Variants in ZFHX3 observed in about 807,000 individuals in gnomAD.
ZFHX3 encodes zinc finger homeobox protein 3.
ZFHX3 carries 42 observed loss-of-function variants against 279.1 expected under a neutral mutation model. That is an observed-to-expected ratio of 0.15 (90% CI 0.12 to 0.19). The LOEUF is 0.19. Among genes scored for constraint, ZFHX3 ranks in the 10% least tolerant of loss-of-function variants. The pLI, the probability that ZFHX3 is intolerant of heterozygous loss-of-function variation, is 1.00. For synonymous variants in ZFHX3, 2,293 were observed against 1,957.8 expected, an observed-to-expected ratio of 1.17 and a Z score of -4.52; for missense variants, 4,981 against 4,754.0, an observed-to-expected ratio of 1.05 and a Z score of -1.40.
At chr16:73,762,050 A>G (rs924477088) in intron 1 of ZFHX3, among the ~76,000 whole-genome samples, 40 of 152,106 alleles carry the variant, frequency 2.6e-4, no homozygotes, top group African/African-American at 8.9e-4. Flanking sequence ...CAGACAACCT[A>G]CAGAATGGGA....
chr16:73,603,510 T>C (rs897129442), intron 2 of ZFHX3, among the ~76,000 whole-genome samples: 13 of 152,202 alleles, frequency 8.5e-5, no homozygotes, highest in Admixed American at 2.6e-4. Context: ...CGTGCTCCCA[T>C]AGACAGTTAA....
At chr16:72,996,415 A>C (rs748702107) in intron 1 of ZFHX3, among the ~76,000 whole-genome samples, 1 of 152,222 alleles carries the variant, frequency 6.6e-6, no homozygotes, top group Non-Finnish European at 1.5e-5. Flanking sequence ...GTGTCTTCTC[A>C]TCTTCTGTAA....
intron 2 of ZFHX3, among the ~76,000 whole-genome samples, chr16:73,531,827 A>AC (rs959972150): frequency 2.3e-4 from 35 of 150,450 alleles, no homozygotes; most frequent in African/African-American, 8.1e-4. Flanking sequence ...AGTGGTTCAT[A>AC]CCTGTAATCC....
intron 1 of ZFHX3, among the ~76,000 whole-genome samples, chr16:73,801,014 C>T (rs80033677): frequency 0.047 from 7,122 of 152,194 alleles, 371 homozygotes; most frequent in African/African-American, 0.13. Context: ...ATAACCTCCC[C>T]GTAATGAGCA....
intron 3 of ZFHX3, among the ~76,000 whole-genome samples, chr16:73,414,853 A>G (rs897424339): frequency 6.6e-6 from 1 of 152,186 alleles, no homozygotes; most frequent in African/African-American, 2.4e-5. Flanking sequence ...ACAAAACAAA[A>G]CAAGAGGCTG....
chr16:72,848,505 G>C (rs2037533001), intron 4 of ZFHX3, among the ~76,000 whole-genome samples: 1 of 152,088 alleles, frequency 6.6e-6, no homozygotes, highest in African/African-American at 2.4e-5. Context: ...GCTGATAAAA[G>C]CTTCCTAAGC....
rs138568857 is a variant in ZFHX3 at position 73,365,926 on chromosome 16, C to G, written c.-1290-47590G>C. On this transcript the variant is annotated intron_variant, in intron 3 of 17. Transcript: ENST00000641206. ...TGTATCTACAAGAGTGGACCTGGGT[C>G]TGCTTGGTGAAAAGGGAAGAGTCCA... is the stretch of plus-strand genomic sequence containing the variant. Among the ~76,000 whole-genome samples the G allele has an allele frequency of 2.8e-4, 42 of 152,236 alleles. No homozygotes were observed. The Middle Eastern group carries it at 0.014, about 49-fold the overall frequency.
intron 4 of ZFHX3, among the ~76,000 whole-genome samples, chr16:72,860,469 T>A (rs932035213): frequency 6.6e-6 from 1 of 152,202 alleles, no homozygotes; most frequent in Non-Finnish European, 1.5e-5. Flanking sequence ...CTCACTCTGT[T>A]GCCCAGGCTG....
intron 1 of ZFHX3, among the ~76,000 whole-genome samples, chr16:73,823,007 G>C (rs935639713): frequency 2.0e-5 from 3 of 152,194 alleles, no homozygotes; most frequent in African/African-American, 7.2e-5. Flanking sequence ...TATATGCTAA[G>C]GATGTAACAG....
intron 2 of ZFHX3, among the ~76,000 whole-genome samples, chr16:73,597,151 C>T (rs1002683069): frequency 1.3e-5 from 2 of 152,194 alleles, no homozygotes; most frequent in Non-Finnish European, 2.9e-5. Context: ...CTTTTCCAAA[C>T]TCTCTCAGTA....
chr16:73,610,335 G>A (rs769383715), intron 2 of ZFHX3, among the ~76,000 whole-genome samples: 14 of 152,146 alleles, frequency 9.2e-5, no homozygotes, highest in Non-Finnish European at 1.3e-4. Flanking sequence ...CTCCATCGTC[G>A]TATTTGCTTT....
intron 4 of ZFHX3, among the ~76,000 whole-genome samples, chr16:72,844,732 G>C (rs2037434410): frequency 1.3e-5 from 2 of 152,064 alleles, no homozygotes; most frequent in South Asian, 4.1e-4. Context: ...TGCGGTTTTT[G>C]GTTTAGTTTT....
At chr16:73,408,617 G>C (rs529214912) in intron 3 of ZFHX3, among the ~76,000 whole-genome samples, 69 of 152,322 alleles carry the variant, frequency 4.5e-4, no homozygotes, top group African/African-American at 1.5e-3. Flanking sequence ...AACACGAGCA[G>C]AGCGGGGCTT....
In ZFHX3 at chr16:72,959,213, T is replaced by C. The variant is rs1961433145; in HGVS notation, c.933A>G (p.Glu311=). 6.2e-7 allele frequency: 1 copy of C among 1,614,090 alleles called. No homozygotes were observed. Among genetic ancestry groups the C allele is most frequent in the South Asian group, 1.1e-5 (1 of 91,088 alleles). ...AVHDHRMTLS[E]DERKILSNKN... is the part of the protein sequence containing the mutation. ...TATTGCTAAGAATTTTCCGCTCGTC[T>C]TCGCTCAGGGTCATTCGATGGTCAT... The change falls in exon 2 of 10, where the codon GAA becomes GAG. Residue 311 remains glutamate (E), a synonymous_variant. Coordinates refer to ENST00000268489, the MANE Select transcript of ZFHX3 (RefSeq NM_006885.4).
chr16:72,879,551 G>A (rs2038407990), intron 4 of ZFHX3, among the ~76,000 whole-genome samples: 2 of 151,964 alleles, frequency 1.3e-5, no homozygotes, highest in Admixed American at 6.5e-5. Flanking sequence ...TCAGCCTCCC[G>A]AGAAGCTGGG....
At chr16:73,539,912 C>G (rs942659331) in intron 2 of ZFHX3, among the ~76,000 whole-genome samples, 4 of 152,176 alleles carry the variant, frequency 2.6e-5, no homozygotes, top group Admixed American at 2.6e-4. Context: ...TATATACAGA[C>G]AAACTGTTTT....
At chr16:73,062,992 T>C (rs982364608), upstream of ZFHX3, among the ~76,000 whole-genome samples, 4 of 152,254 alleles carry the variant, frequency 2.6e-5, no homozygotes, top group Non-Finnish European at 5.9e-5. Context: ...TCCCTCTTCG[T>C]TCCGCTAACT....
At chr16:73,030,932 G>A (rs575228522) in intron 1 of ZFHX3, among the ~76,000 whole-genome samples, 1 of 152,232 alleles carries the variant, frequency 6.6e-6, no homozygotes, top group Non-Finnish European at 1.5e-5. Context: ...CCTTCCTTAG[G>A]TTCAGCCATA....
At chr16:73,644,282 T>A (rs879304839) in intron 2 of ZFHX3, among the ~76,000 whole-genome samples, 7 of 151,980 alleles carry the variant, frequency 4.6e-5, no homozygotes, top group Non-Finnish European at 1.0e-4. Flanking sequence ...CACATCTCCC[T>A]TTGGTTATCT....
Sources: allele counts gnomAD v4.1 joint callset (sites outside exome capture counted in the v4.1 genomes callset), GRCh38; gene constraint gnomAD v4.1.1; transcripts MANE v1.5; gene names NCBI Gene and HGNC (gene_info 2026-07-23, HGNC 2026-07-21).